The following TANC2 variants were observed in gnomAD, a reference collection of about 807,000 sequenced individuals.
TANC2 encodes the protein tetratricopeptide repeat, ankyrin repeat and coiled-coil containing 2.
In TANC2, 26 loss-of-function variants were observed where a neutral mutation model predicts 210.5. The ratio of observed to expected loss-of-function variants is 0.12; its 90% confidence interval spans 0.09 to 0.17. TANC2 has a LOEUF of 0.17. Among genes scored for constraint, TANC2 ranks in the 10% least tolerant of loss-of-function variants. TANC2 has a pLI of 1.00. For missense variants in TANC2, 2,129 were observed against 2,608.9 expected, an observed-to-expected ratio of 0.82 and a Z score of 4.01; for synonymous variants, 931 against 967.1, an observed-to-expected ratio of 0.96 and a Z score of 0.69.
intron 1 of TANC2, among the ~76,000 whole-genome samples, chr17:62,969,406 A>T (rs988390353): frequency 1.3e-5 from 2 of 152,216 alleles, no homozygotes; most frequent in African/African-American, 4.8e-5. Flanking sequence ...CACTCAAGGT[A>T]GTATTGGCAA....
chr17:63,182,442 G>C (rs933900163), intron 5 of TANC2: 1 of 273,252 alleles, frequency 3.7e-6, no homozygotes, highest in African/African-American at 2.3e-5. Flanking sequence ...TTTTAGTTTG[G>C]CGTCACATTC....
intron 2 of TANC2, among the ~76,000 whole-genome samples, chr17:63,020,012 C>T (rs772905607): frequency 6.6e-6 from 1 of 152,140 alleles, no homozygotes; most frequent in Non-Finnish European, 1.5e-5. Context: ...CTGCAACCTC[C>T]CCGTCCCGGG....
At position 63,421,237 on chromosome 17, in the gene TANC2, G is replaced by C; in HGVS notation, c.5507G>C (p.Arg1836Thr). The change falls in exon 28 of 28, where the codon AGA becomes ACA. Residue 1836 changes from arginine (R) to threonine (T), a missense_variant. By Grantham distance (71) the Arg-to-Thr change is moderately conservative (BLOSUM62 -1). Transcript: ENST00000689528. The surrounding 1 kb of genome is among the most constrained non-coding windows in gnomAD (Gnocchi z 6.9). ...TCCCCTGATGTGTCGCATTTAATCA[G>C]AAGACCTATCAGTGTCAACCCTAAC... 2.5e-6 allele frequency: 4 copies of C among 1,614,008 alleles called. No individual in the cohort carries two copies. The highest frequency in any genetic ancestry group is 3.4e-6 in the Non-Finnish European group (4 of 1,179,904).
rs186113523 is a variant in TANC2, at chr17:63,260,829, A to G, written c.1034-6919A>G. ...TTGCTTTATTATCAACATCATGTAT[A>G]TGAAAGGGACTGGTGTTCAATTCTT... On this transcript the variant is annotated intron_variant, in intron 8 of 27. Transcript: ENST00000689528. 1.2e-3 allele frequency among the ~76,000 whole-genome samples: 178 copies of G among 152,268 alleles called. 1 individual carries two copies. Among genetic ancestry groups the G allele is most frequent in the African/African-American group, 4.1e-3 (170 of 41,550 alleles).
intron 10 of TANC2, among the ~76,000 whole-genome samples, chr17:63,317,508 A>G (rs903225653): frequency 2.6e-5 from 4 of 152,198 alleles, no homozygotes; most frequent in African/African-American, 9.6e-5. Context: ...GACCTGTTGT[A>G]TAATTCAGGA....
At chr17:63,117,991 A>G (rs2038316765) in intron 4 of TANC2, among the ~76,000 whole-genome samples, 1 of 152,190 alleles carries the variant, frequency 6.6e-6, no homozygotes, top group Non-Finnish European at 1.5e-5. Flanking sequence ...TTTATATTTT[A>G]AAAAAGAATA....
chr17:63,383,382 AC>A (rs1246435881), intron 15 of TANC2, among the ~76,000 whole-genome samples: 1 of 151,796 alleles, frequency 6.6e-6, no homozygotes, highest in Non-Finnish European at 1.5e-5. Context: ...ACCCTCCTCA[AC>A]CCCTGGCAAC....
At chr17:63,311,166 TAG>T (rs2045112740) in intron 9 of TANC2, among the ~76,000 whole-genome samples, 1 of 152,208 alleles carries the variant, frequency 6.6e-6, no homozygotes, top group African/African-American at 2.4e-5. Flanking sequence ...TTCTGGCATA[TAG>T]TAAAGGCTAT....
chr17:63,345,935 G>GA (rs2146835650), intron 12 of TANC2, among the ~76,000 whole-genome samples: 1 of 152,272 alleles, frequency 6.6e-6, no homozygotes, highest in Non-Finnish European at 1.5e-5. Flanking sequence ...TACAAGGATA[G>GA]AAAATAGATC....
intron 2 of TANC2, among the ~76,000 whole-genome samples, chr17:63,012,392 C>G (rs1453867732): frequency 1.3e-5 from 2 of 151,924 alleles, no homozygotes; most frequent in Non-Finnish European, 2.9e-5. Context: ...GAAATTTTTT[C>G]TGTGGTTACC....
chr17:63,253,500 G>A (rs532750709), intron 8 of TANC2, among the ~76,000 whole-genome samples: 6 of 152,254 alleles, frequency 3.9e-5, no homozygotes, highest in South Asian at 2.1e-4. Flanking sequence ...GGGTATTACC[G>A]AAGAAACCTT....
At chr17:63,015,463 C>T (rs192782320) in intron 2 of TANC2, among the ~76,000 whole-genome samples, 5 of 152,094 alleles carry the variant, frequency 3.3e-5, no homozygotes, top group Non-Finnish European at 7.4e-5. Flanking sequence ...GCTATCCCTC[C>T]CCCCGCTTCC....
chr17:63,142,436 A>G (rs748683790), intron 4 of TANC2, among the ~76,000 whole-genome samples: 3 of 152,244 alleles, frequency 2.0e-5, no homozygotes, highest in Non-Finnish European at 2.9e-5. Flanking sequence ...TGCAGAGTCA[A>G]TAGTGATGGC....
At chr17:63,220,543 A>T (rs2042143146) in intron 7 of TANC2, among the ~76,000 whole-genome samples, 1 of 151,280 alleles carries the variant, frequency 6.6e-6, no homozygotes, top group South Asian at 2.1e-4. Context: ...CTCTACTAAA[A>T]ATACAAAAAA....
At chr17:63,422,310 T>G (rs1055098735) in exon 28 of TANC2, 2 of 193,086 alleles carry the variant, frequency 1.0e-5, no homozygotes, top group Non-Finnish European at 2.2e-5. Context: ...AATTGTCTTT[T>G]TCCTTTTTTA....
At chr17:63,351,400 T>C in exon 13 of TANC2, 2 of 1,605,896 alleles carry the variant, frequency 1.2e-6, no homozygotes, top group Non-Finnish European at 1.7e-6. Context: ...ATTGTAACAG[T>C]TAGGACCAGT....
At chr17:63,054,440 C>T (rs11871269) in intron 2 of TANC2, among the ~76,000 whole-genome samples, 34,648 of 152,024 alleles carry the variant, frequency 0.23, 4,176 homozygotes, top group South Asian at 0.35. Flanking sequence ...GGCGCGATCT[C>T]GGCTCACTGC....
chr17:63,124,818 T>C (rs1031136323), intron 4 of TANC2, among the ~76,000 whole-genome samples: 1 of 152,160 alleles, frequency 6.6e-6, no homozygotes, highest in Non-Finnish European at 1.5e-5. Context: ...GCATGAACCC[T>C]ATTATGAAAT....
intron 4 of TANC2, chr17:63,149,755 T>C (rs2039584081): frequency 6.6e-6 from 1 of 152,134 alleles, no homozygotes; most frequent in Non-Finnish European, 1.5e-5. Context: ...TCACTTGAGA[T>C]CTTTATTTGT....
Sources: gnomAD v4.1 joint callset for allele counts (sites outside exome capture counted in the v4.1 genomes callset) on GRCh38, gnomAD v4.1.1 for gene constraint, Gnocchi (gnomAD v3.1) non-coding constraint, MANE v1.5 for transcripts, NCBI Gene and HGNC (gene_info 2026-07-23, HGNC 2026-07-21) for gene names.